CCDC12: variants seen among roughly 807,000 people sequenced by gnomAD.
The protein encoded by CCDC12 is coiled-coil domain-containing protein 12.
A neutral mutation model predicts 25.7 loss-of-function variants in CCDC12; 28 were observed. The ratio of observed to expected loss-of-function variants is 1.09; its 90% confidence interval spans 0.81 to 1.50. The LOEUF (loss-of-function observed/expected upper bound fraction) is 1.50. Ranked by LOEUF, CCDC12 falls within the 40% of genes most tolerant of loss-of-function variation. The pLI is 0.00. For synonymous variants in CCDC12, 75 were observed against 87.7 expected (o/e 0.86, Z 0.81); for missense variants, 198 against 210.0 (o/e 0.94, Z 0.35).
intron 2 of CCDC12, 120 bp downstream of exon 2, chr3:46,940,878 G>A (rs2033672722): frequency 1.0e-6 from 1 of 958,026 alleles, no homozygotes; most frequent in East Asian, 2.4e-5. Flanking sequence ...ACAGCCATGG[G>A]CAGAAAGAAG....
chr3:46,955,060 C>T (rs767658199), intron 1 of CCDC12, among the ~76,000 whole-genome samples: 46 of 152,204 alleles, frequency 3.0e-4, no homozygotes, highest in Non-Finnish European at 4.8e-4. Flanking sequence ...CCAATGTTAA[C>T]GGCTGTCAAA....
intron 1 of CCDC12, among the ~76,000 whole-genome samples, chr3:46,943,561 C>T (rs1408365989): frequency 1.3e-5 from 2 of 152,216 alleles, no homozygotes; most frequent in South Asian, 2.1e-4. Context: ...GTGGGGACTA[C>T]GGGAAAGTGT....
chr3:46,980,131 G>C (rs1400657419), upstream of CCDC12, among the ~76,000 whole-genome samples: 1 of 152,144 alleles, frequency 6.6e-6, no homozygotes, highest in Non-Finnish European at 1.5e-5. Context: ...GCTCGCGGTC[G>C]TGCACTTCAT....
chr3:46,947,280 GT>G lies in CCDC12; in HGVS notation c.97-6216del, dbSNP rs56788531. 2.1e-3 allele frequency among the ~76,000 whole-genome samples: 318 copies of G among 152,348 alleles called. 3 individuals carry two copies. The highest frequency in any genetic ancestry group is 7.4e-3 in the African/African-American group (306 of 41,582). ...AGAGATGGGCACATAGTGCCTGAAG[GT>G]GACAGGAAGAGACAGACAATGCTGG... On this transcript the variant is annotated intron_variant, in intron 1 of 6. Coordinates refer to ENST00000683445, the MANE Select transcript of CCDC12 (RefSeq NM_001277074.2).
At chr3:46,945,827 A>G (rs1464512597) in intron 1 of CCDC12, among the ~76,000 whole-genome samples, 1 of 152,210 alleles carries the variant, frequency 6.6e-6, no homozygotes, top group Non-Finnish European at 1.5e-5. Flanking sequence ...AATGTCTGTA[A>G]GATCTGTAGT....
chr3:46,931,943 CCT>C (rs992853081), intron 2 of CCDC12, among the ~76,000 whole-genome samples: 5 of 152,166 alleles, frequency 3.3e-5, no homozygotes, highest in South Asian at 2.1e-4. Context: ...CCCTAATAAT[CCT>C]CTGTTTGCTT....
At chr3:46,977,402 G>A (rs1029829934), upstream of CCDC12, among the ~76,000 whole-genome samples, 1 of 150,004 alleles carries the variant, frequency 6.7e-6, no homozygotes, top group African/African-American at 2.5e-5. Flanking sequence ...GAACCAGAGA[G>A]GCGGAGGTTG....
intron 1 of CCDC12, among the ~76,000 whole-genome samples, chr3:46,948,166 G>A (rs774187552): frequency 2.0e-5 from 3 of 152,226 alleles, no homozygotes; most frequent in South Asian, 4.1e-4. Context: ...AGGAGATGAC[G>A]TCAGATGATC....
At chr3:46,923,070 T>C (rs2032756355) in intron 5 of CCDC12, 1 of 367,294 alleles carries the variant, frequency 2.7e-6, no homozygotes. Flanking sequence ...CTGGAGCAGA[T>C]GGGCTCTCAA....
chr3:46,966,593 G>A (rs1029717548), intron 1 of CCDC12, among the ~76,000 whole-genome samples: 1 of 152,108 alleles, frequency 6.6e-6, no homozygotes. Context: ...GAAGACCTGA[G>A]CACTAGCAAG....
At chr3:46,935,379 A>G (rs369121570) in intron 2 of CCDC12, among the ~76,000 whole-genome samples, 5 of 152,098 alleles carry the variant, frequency 3.3e-5, no homozygotes, top group African/African-American at 1.2e-4. Context: ...GTCAGCCCCA[A>G]CCCAACAGTC....
At chr3:46,979,852 G>C (rs1467242445), upstream of CCDC12, 1 of 458,518 alleles carries the variant, frequency 2.2e-6, no homozygotes. Context: ...GGCCGGAGCC[G>C]GGCCGGGCCA....
At chr3:46,951,798 A>AAAAAAAAAAAATATAT in intron 1 of CCDC12, among the ~76,000 whole-genome samples, 26 of 8,460 alleles carry the variant, frequency 3.1e-3, no homozygotes, top group Non-Finnish European at 5.3e-3. Context: ...AAAAAAAAAA[A>AAAAAAAAAAAATATAT]ATATATATAT....
chr3:46,956,216 G>C (rs559153310), intron 1 of CCDC12, among the ~76,000 whole-genome samples: 58 of 152,202 alleles, frequency 3.8e-4, no homozygotes, highest in Non-Finnish European at 7.2e-4. Context: ...CCTCAGATAT[G>C]AGCTGATAGA....
intron 2 of CCDC12, among the ~76,000 whole-genome samples, chr3:46,931,767 ACCACAGGGAAGG>A (rs1412734313): frequency 6.6e-6 from 1 of 152,214 alleles, no homozygotes; most frequent in East Asian, 1.9e-4. Flanking sequence ...CTAGTAACAG[ACCACAGGGAAGG>A]CCACGCCCAG....
At chr3:46,975,825 A>G (rs1282096829) in intron 1 of CCDC12, among the ~76,000 whole-genome samples, 1 of 131,174 alleles carries the variant, frequency 7.6e-6, no homozygotes, top group Non-Finnish European at 1.6e-5. Context: ...GCGCCCGGCT[A>G]AATCTTTTAT....
intron 1 of CCDC12, among the ~76,000 whole-genome samples, chr3:46,951,359 A>AT (rs2034107940): frequency 6.6e-6 from 1 of 152,046 alleles, no homozygotes; most frequent in African/African-American, 2.4e-5. Context: ...CTGAGCCTAG[A>AT]TTTTAAAGTC....
intron 2 of CCDC12, among the ~76,000 whole-genome samples, chr3:46,931,830 G>C (rs138613725): frequency 6.6e-6 from 1 of 152,254 alleles, no homozygotes; most frequent in African/African-American, 2.4e-5. Context: ...ACTGACCAGA[G>C]AGACTGGCAA....
chr3:46,931,440 A>C (rs2033207882), intron 2 of CCDC12, among the ~76,000 whole-genome samples: 2 of 152,130 alleles, frequency 1.3e-5, no homozygotes, highest in Non-Finnish European at 2.9e-5. Context: ...ATCTGATCCA[A>C]CCCCATCACT....
Sources: gnomAD v4.1 joint callset for allele counts (sites outside exome capture counted in the v4.1 genomes callset) on GRCh38, gnomAD v4.1.1 for gene constraint, MANE v1.5 for transcripts, NCBI Gene and HGNC (gene_info 2026-07-23, HGNC 2026-07-21) for gene names.